CRTC1: variants seen among roughly 807,000 people sequenced by gnomAD.
CRTC1 encodes CREB-regulated transcription coactivator 1.
In CRTC1, 18 loss-of-function variants were observed where a neutral mutation model predicts 66.1. That is an observed-to-expected ratio of 0.27 (90% confidence interval 0.19 to 0.40). The LOEUF (loss-of-function observed/expected upper bound fraction) is 0.40. CRTC1 is among the 10% of genes least tolerant of loss of function. The probability of loss-of-function intolerance (pLI) is 1.00; values close to 1 mark genes in which losing one functional copy is unlikely to be tolerated. For missense variants in CRTC1, 669 were observed against 887.9 expected (o/e 0.75, Z 3.13); for synonymous variants, 416 against 398.8 (o/e 1.04, Z -0.51).
chr19:18,704,528 A>C lies in CRTC1; in HGVS notation c.126+20700A>C, dbSNP rs560496513. Among the ~76,000 whole-genome samples, 112 of 152,314 alleles carry C rather than the reference A, an allele frequency of 7.4e-4. 1 individual carries two copies. Among genetic ancestry groups the C allele is most frequent in the African/African-American group, 2.6e-3 (109 of 41,568 alleles). ...GGAGTTCGAGACCAGTCTAGTCAAC[A>C]TGTTGAAACCCCGTCTCTATTAAAA... On this transcript the variant is annotated intron_variant, in intron 1 of 13. Coordinates refer to ENST00000321949, the MANE Select transcript of CRTC1 (RefSeq NM_015321.3).
chr19:18,747,262 C>T (rs908843163), intron 4 of CRTC1, 148 bp downstream of exon 4: 1 of 598,244 alleles, frequency 1.7e-6, no homozygotes, highest in Admixed American at 3.1e-5. Flanking sequence ...AATTAGCCTT[C>T]ACCCTGAAAC....
At chr19:18,709,036 G>A (rs961316301) in intron 1 of CRTC1, among the ~76,000 whole-genome samples, 2 of 152,186 alleles carry the variant, frequency 1.3e-5, no homozygotes, top group African/African-American at 4.8e-5. Flanking sequence ...TGTCCACCCG[G>A]TACCTCCTCT....
Position 18,774,957 on chromosome 19 carries a change from G to A in CRTC1, c.1483G>A (p.Ala495Thr). ...GDAYYEQQMA[A>T]RQANALSHQL... ...CGCGTACTATGAGCAGCAGATGGCG[G>A]CCAGGCAGGCCAATGCTCTGTCCCA... Residue 495 changes from alanine (A) to threonine (T), a missense_variant, in exon 12 of 14, where the codon GCC becomes ACC. Around this residue, in one of 8 missense-constraint regions of CRTC1, gnomAD observed 79 missense variants for 100.1 expected, o/e 0.79. Coordinates refer to ENST00000321949, the MANE Select transcript of CRTC1 (RefSeq NM_015321.3). The A allele has an allele frequency of 6.2e-7, 1 of 1,607,916 alleles. No individual in the cohort carries two copies. The highest frequency in any genetic ancestry group is 8.5e-7 in the Non-Finnish European group (1 of 1,179,970).
At chr19:18,767,237 C>T (rs113478991) in intron 9 of CRTC1, among the ~76,000 whole-genome samples, 9,750 of 151,514 alleles carry the variant, frequency 0.064, 1,019 homozygotes, top group African/African-American at 0.22. Context: ...CTCACTCTGT[C>T]GCCCAGGCTG....
intron 1 of CRTC1, among the ~76,000 whole-genome samples, chr19:18,688,352 A>G (rs536255152): frequency 1.3e-5 from 2 of 152,238 alleles, no homozygotes; most frequent in African/African-American, 4.8e-5. Context: ...GGTGGAAAGC[A>G]GGGAGGAGGG....
chr19:18,696,121 G>A (rs2052981586), intron 1 of CRTC1, among the ~76,000 whole-genome samples: 1 of 152,244 alleles, frequency 6.6e-6, no homozygotes, highest in Admixed American at 6.5e-5. Context: ...GTGGGAGACA[G>A]GCCCGGAGAG....
chr19:18,780,674 TG>T lies in CRTC1; in HGVS notation c.*3298del. On this transcript the variant is annotated 3_prime_UTR_variant, in exon 14 of 14. Coordinates refer to ENST00000321949, the MANE Select transcript of CRTC1 (RefSeq NM_015321.3). Reference sequence around the variant, plus strand: ...GGGACAGGAGCCTGCCAGAAGCCCATGGGGGGCCAGGCCGGGTGGCTTCTAT... The same window carrying T: ...GGGACAGGAGCCTGCCAGAAGCCCATGGGGGCCAGGCCGGGTGGCTTCTAT... 1 of 224,256 alleles carries T rather than the reference TG, an allele frequency of 4.5e-6. No homozygotes were observed. Among genetic ancestry groups the T allele is most frequent in the Non-Finnish European group, 8.9e-6 (1 of 112,422 alleles). 13.9% of individuals were successfully genotyped at this position (224,256 alleles called of 1,614,324 possible).
chr19:18,703,986 C>G (rs1350488559), intron 1 of CRTC1, among the ~76,000 whole-genome samples: 2 of 152,320 alleles, frequency 1.3e-5, no homozygotes, highest in Admixed American at 1.3e-4. Flanking sequence ...GACCTTCACT[C>G]TCTTGAGGAG....
At chr19:18,712,461 T>C (rs970443972) in intron 1 of CRTC1, among the ~76,000 whole-genome samples, 4 of 151,728 alleles carry the variant, frequency 2.6e-5, no homozygotes, top group Admixed American at 6.6e-5. Context: ...GGTTTCACCA[T>C]GTTGGCCAGG....
chr19:18,717,903 C>G (rs1340836054), intron 1 of CRTC1, among the ~76,000 whole-genome samples: 1 of 151,992 alleles, frequency 6.6e-6, no homozygotes, highest in Non-Finnish European at 1.5e-5. Context: ...GGAAGAGGAC[C>G]TGGCAGTAGG....
chr19:18,778,428 G>C lies in CRTC1; in HGVS notation c.*1046G>C, dbSNP rs181609067. ...ATTTTTTAAGCTAACTGGAAATGGAGGCCATGCGCCCCAAAGCAGCCCGCC... is the reference window on the plus strand; with the variant it reads ...ATTTTTTAAGCTAACTGGAAATGGACGCCATGCGCCCCAAAGCAGCCCGCC... On this transcript the variant is annotated 3_prime_UTR_variant, in exon 14 of 14. Coordinates refer to ENST00000321949, the MANE Select transcript of CRTC1 (RefSeq NM_015321.3). 1 of 231,950 alleles carries C rather than the reference G, an allele frequency of 4.3e-6. No homozygotes were observed. The highest frequency in any genetic ancestry group is 8.5e-6 in the Non-Finnish European group (1 of 117,316). The allele number at this position is 231,950 out of a possible 1,614,324, so 14.4% of individuals were successfully genotyped here.
intron 1 of CRTC1, among the ~76,000 whole-genome samples, chr19:18,721,615 C>A (rs2145631068): frequency 6.6e-6 from 1 of 152,112 alleles, no homozygotes; most frequent in South Asian, 2.1e-4. Context: ...CCACCTCAGC[C>A]TCCTGAGTAG....
intron 1 of CRTC1, among the ~76,000 whole-genome samples, chr19:18,702,557 G>T (rs2053169623): frequency 6.9e-6 from 1 of 145,108 alleles, no homozygotes; most frequent in Admixed American, 7.0e-5. Flanking sequence ...TTTTGAGATG[G>T]ATTTTCGCTC....
chr19:18,744,165 C>A, intron 2 of CRTC1: 1 of 1,610,066 alleles, frequency 6.2e-7, no homozygotes, highest in East Asian at 2.2e-5. Flanking sequence ...GGTAAATGAG[C>A]CCCCAGGCTG....
At chr19:18,759,680 C>A in intron 7 of CRTC1, 89 bp downstream of exon 7, 1 of 1,408,116 alleles carries the variant, frequency 7.1e-7, no homozygotes, top group Non-Finnish European at 9.8e-7. Context: ...CTTGAGGTTG[C>A]AAGTCCCTGC....
intron 1 of CRTC1, among the ~76,000 whole-genome samples, chr19:18,729,358 G>A (rs1406724529): frequency 6.6e-6 from 1 of 150,872 alleles, no homozygotes; most frequent in East Asian, 2.0e-4. Context: ...CCCGAGAGGC[G>A]GAGCTTGCAG....
chr19:18,687,561 C>G (rs956018082), intron 1 of CRTC1, among the ~76,000 whole-genome samples: 1 of 152,188 alleles, frequency 6.6e-6, no homozygotes, highest in African/African-American at 2.4e-5. Context: ...GGGCTTCCCT[C>G]CTGCAGCCAT....
At chr19:18,712,987 T>TC (rs949086090) in intron 1 of CRTC1, among the ~76,000 whole-genome samples, 1 of 142,898 alleles carries the variant, frequency 7.0e-6, no homozygotes, top group African/African-American at 2.6e-5. Context: ...CCACCCCCTA[T>TC]CCCCATCAGC....
At chr19:18,747,828 A>C (rs1401214037) in intron 4 of CRTC1, among the ~76,000 whole-genome samples, 3 of 152,226 alleles carry the variant, frequency 2.0e-5, no homozygotes, top group African/African-American at 7.2e-5. Flanking sequence ...CTGTAATCCC[A>C]GCACTTTTGG....
Sources: gnomAD v4.1 joint callset for allele counts (sites outside exome capture counted in the v4.1 genomes callset) on GRCh38, gnomAD v4.1.1 for gene constraint, gnomAD v4.1.1 regional missense constraint, MANE v1.5 for transcripts, NCBI Gene and HGNC (gene_info 2026-07-23, HGNC 2026-07-21) for gene names.